The following ZSWIM6 variants were observed in gnomAD, a reference collection of about 807,000 sequenced individuals.
ZSWIM6 encodes zinc finger SWIM domain-containing protein 6.
A neutral mutation model predicts 113.2 loss-of-function variants in ZSWIM6; 9 were observed. That is an observed-to-expected ratio of 0.08 (90% CI 0.05 to 0.14). The LOEUF is 0.14. ZSWIM6 is among the 10% of genes least tolerant of loss of function. ZSWIM6 has a pLI of 1.00. For synonymous variants in ZSWIM6, 611 were observed against 606.5 expected, an observed-to-expected ratio of 1.01 and a Z score of -0.11; for missense variants, 1,162 against 1,552.2, an observed-to-expected ratio of 0.75 and a Z score of 4.22.
intron 1 of ZSWIM6, among the ~76,000 whole-genome samples, chr5:61,423,169 G>C (rs1561231369): frequency 6.6e-6 from 1 of 152,118 alleles, no homozygotes; most frequent in Non-Finnish European, 1.5e-5. Context: ...CACTTTGGGA[G>C]GCCAAGGCAG....
At chr5:61,534,467 C>G (rs763773545) in intron 9 of ZSWIM6, among the ~76,000 whole-genome samples, 8 of 152,198 alleles carry the variant, frequency 5.3e-5, no homozygotes, top group Non-Finnish European at 1.2e-4. Context: ...GCATTCTAAA[C>G]TCTTCACCAC....
Position 61,544,128 on chromosome 5 carries a change from G to A in ZSWIM6, c.3459G>A (p.Thr1153=), listed in dbSNP as rs769463628. Residue 1153 remains threonine, a synonymous_variant, in exon 14 of 14, where the codon ACG becomes ACA. Transcript: ENST00000252744. ...CGATCGGGGCCTACATCAACACAAC[G>A]CACTCACGGCTCACACACATCAGTC... ...DATIGAYINT[T]HSRLTHISPR... 1.2e-5 allele frequency: 19 copies of A among 1,551,638 alleles called. No individual in the cohort carries two copies. Among genetic ancestry groups the A allele is most frequent in the South Asian group, 1.1e-4 (9 of 84,056 alleles).
At chr5:61,355,439 C>A (rs181828726) in intron 1 of ZSWIM6, among the ~76,000 whole-genome samples, 1,542 of 8,004 alleles carry the variant, frequency 0.19, 21 homozygotes, top group Non-Finnish European at 0.25. Context: ...AAAACACACA[C>A]ACACACACAC....
chr5:61,382,645 A>C (rs1387270394), intron 1 of ZSWIM6, among the ~76,000 whole-genome samples: 1 of 152,074 alleles, frequency 6.6e-6, no homozygotes. Flanking sequence ...TCTACTAAAA[A>C]TACAAAAAAA....
chr5:61,332,998 G>C (rs964461772), intron 1 of ZSWIM6, 50 bp downstream of exon 1: 3 of 1,137,922 alleles, frequency 2.6e-6, no homozygotes, highest in Non-Finnish European at 3.3e-6. Flanking sequence ...CAGTCCCTGG[G>C]TGGGGGGGGG....
In ZSWIM6 at chr5:61,332,349, G is replaced by A; in HGVS notation, c.77G>A (p.Gly26Asp). ...CCGGGCGGCGGCGGCGGCGGCGGGGGCAGCAGCGGCGGCGGCGGCGGCGCG... is the reference window on the plus strand; with the variant it reads ...CCGGGCGGCGGCGGCGGCGGCGGGGACAGCAGCGGCGGCGGCGGCGGCGCG... ...CRPGGGGGGG[G>D]SSGGGGGAGG... Residue 26 changes from glycine (G) to aspartate (D), a missense_variant, in exon 1 of 14, where the codon GGC (glycine) becomes GAC (aspartate). Gly to Asp is a moderately conservative substitution (Grantham distance 94). Coordinates refer to ENST00000252744, the MANE Select transcript of ZSWIM6 (RefSeq NM_020928.2). 1 of 1,027,536 alleles carries A rather than the reference G, an allele frequency of 9.7e-7. No individual in the cohort carries two copies. The highest frequency in any genetic ancestry group is 1.2e-6 in the Non-Finnish European group (1 of 843,274). 63.7% of individuals were successfully genotyped at this position (1,027,536 alleles called of 1,614,324 possible).
chr5:61,433,922 AATTG>A (rs1746640085), intron 1 of ZSWIM6, among the ~76,000 whole-genome samples: 1 of 150,882 alleles, frequency 6.6e-6, no homozygotes, highest in South Asian at 2.1e-4. Context: ...AGGAACAATT[AATTG>A]ATGATCATTT....
At chr5:61,475,293 A>G (rs556881570) in intron 2 of ZSWIM6, among the ~76,000 whole-genome samples, 50 of 152,160 alleles carry the variant, frequency 3.3e-4, no homozygotes, top group Non-Finnish European at 5.7e-4. Flanking sequence ...ATCAGTAATC[A>G]GTTGCTTGTT....
intron 1 of ZSWIM6, among the ~76,000 whole-genome samples, chr5:61,419,604 A>G (rs1178618466): frequency 1.3e-5 from 2 of 152,254 alleles, no homozygotes; most frequent in Non-Finnish European, 1.5e-5. Flanking sequence ...TCAAGTGCTC[A>G]ATAGTTACAT....
Position 61,544,080 on chromosome 5 carries a change from C to A in ZSWIM6, c.3411C>A (p.Pro1137=), listed in dbSNP as rs16892374. The A allele has an allele frequency of 0.028, 43,933 of 1,551,928 alleles. 2,073 individuals carry two copies. The highest frequency in any genetic ancestry group is 0.17 in the South Asian group (14,696 of 84,048). ...AGCTCATGTCACTGGACAAAGCCCC[C>A]TTGAGGCAACTCTTGGATGCCACGA... ...SGKLMSLDKA[P]LRQLLDATIG... The change falls in exon 14 of 14, where the codon CCC becomes CCA. Residue 1137 remains proline (P), a synonymous_variant. Transcript: ENST00000252744.
At chr5:61,464,047 C>T (rs921297584) in intron 1 of ZSWIM6, among the ~76,000 whole-genome samples, 1 of 151,348 alleles carries the variant, frequency 6.6e-6, no homozygotes, top group Admixed American at 6.6e-5. Context: ...GGCTGGGGTG[C>T]AGTGGTGCAA....
At chr5:61,335,194 T>G (rs1044844551) in intron 1 of ZSWIM6, among the ~76,000 whole-genome samples, 4 of 152,282 alleles carry the variant, frequency 2.6e-5, no homozygotes, top group African/African-American at 4.8e-5. Flanking sequence ...GAATTGGCAG[T>G]GGTTGACGTG....
chr5:61,541,124 A>G (rs1278953217), intron 12 of ZSWIM6, among the ~76,000 whole-genome samples: 3 of 151,778 alleles, frequency 2.0e-5, no homozygotes, highest in Non-Finnish European at 4.4e-5. Flanking sequence ...TTATGTTTTT[A>G]ATAGAGACGG....
chr5:61,362,982 T>G (rs534235923), intron 1 of ZSWIM6, among the ~76,000 whole-genome samples: 1 of 152,340 alleles, frequency 6.6e-6, no homozygotes, highest in East Asian at 1.9e-4. Flanking sequence ...CTGTCTCATT[T>G]CCATTAAAAA....
intron 1 of ZSWIM6, among the ~76,000 whole-genome samples, chr5:61,408,214 T>C (rs1011116040): frequency 5.3e-5 from 8 of 152,256 alleles, no homozygotes; most frequent in Non-Finnish European, 1.0e-4. Context: ...TATGTGTATT[T>C]CCTTATGTAT....
In ZSWIM6 at chr5:61,457,344, A is replaced by G. The variant is rs559110749; in HGVS notation, c.677-15337A>G. On this transcript the variant is annotated intron_variant, in intron 1 of 13. Coordinates refer to ENST00000252744, the MANE Select transcript of ZSWIM6 (RefSeq NM_020928.2). ...ATTTCCCTTTTCCTCAAAATTCTGG[A>G]GCCTGAAAACTAGCCATATATTTCA... Among the ~76,000 whole-genome samples, 4 of 152,254 alleles carry G rather than the reference A, an allele frequency of 2.6e-5. No homozygotes were observed. The South Asian group carries it at 8.3e-4, about 32-fold the overall frequency.
intron 1 of ZSWIM6, among the ~76,000 whole-genome samples, chr5:61,461,306 A>G (rs1043349042): frequency 1.3e-5 from 2 of 152,186 alleles, no homozygotes; most frequent in Non-Finnish European, 2.9e-5. Flanking sequence ...TTGGCTCTCT[A>G]TTACTGCTGC....
At chr5:61,361,842 G>A (rs1397154175) in intron 1 of ZSWIM6, among the ~76,000 whole-genome samples, 2 of 152,202 alleles carry the variant, frequency 1.3e-5, no homozygotes, top group Non-Finnish European at 2.9e-5. Flanking sequence ...GAAATTTAGT[G>A]TGAAATTTGC....
At chr5:61,348,817 C>T (rs1038112801) in intron 1 of ZSWIM6, among the ~76,000 whole-genome samples, 1 of 152,156 alleles carries the variant, frequency 6.6e-6, no homozygotes, top group African/African-American at 2.4e-5. Flanking sequence ...TTTAGATAAT[C>T]TGGCTTCCTT....
Sources: gnomAD v4.1 joint callset for allele counts (sites outside exome capture counted in the v4.1 genomes callset) on GRCh38, gnomAD v4.1.1 for gene constraint, MANE v1.5 for transcripts, NCBI Gene and HGNC (gene_info 2026-07-23, HGNC 2026-07-21) for gene names.